Variants in HS3ST4 observed in about 807,000 individuals in gnomAD.
The protein encoded by HS3ST4 is heparan sulfate glucosamine 3-O-sulfotransferase 4.
In HS3ST4, 17 loss-of-function variants were observed where a neutral mutation model predicts 29.2. The ratio of observed to expected loss-of-function variants is 0.58; its 90% CI spans 0.40 to 0.87. The LOEUF (loss-of-function observed/expected upper bound fraction) is 0.87. HS3ST4 is among the 40% of genes least tolerant of loss of function. HS3ST4 has a pLI of 0.00. For synonymous variants in HS3ST4, 314 were observed against 285.7 expected, an observed-to-expected ratio of 1.10 and a Z score of -1.00; for missense variants, 627 against 634.5, an observed-to-expected ratio of 0.99 and a Z score of 0.13.
At chr16:25,947,103 C>G (rs1968634074) in intron 1 of HS3ST4, among the ~76,000 whole-genome samples, 1 of 152,070 alleles carries the variant, frequency 6.6e-6, no homozygotes, top group Admixed American at 6.6e-5. Context: ...GAGCTAGTGA[C>G]TCCATTTATA....
Position 26,099,663 on chromosome 16 carries a change from A to T in HS3ST4, c.735-35949A>T, listed in dbSNP as rs557669684. ...TCATTTATTTGTCCATTTAACAAATATGTACTGAGGGCCAAATATGTCCCA... is the reference window on the plus strand; with the variant it reads ...TCATTTATTTGTCCATTTAACAAATTTGTACTGAGGGCCAAATATGTCCCA... On this transcript the variant is annotated intron_variant, in intron 1 of 1. Transcript: ENST00000331351. Among the ~76,000 whole-genome samples, 5 of 152,348 alleles carry T rather than the reference A, an allele frequency of 3.3e-5. No homozygotes were observed. In the South Asian group the frequency reaches 1.0e-3, roughly 32 times the overall value.
At chr16:25,917,503 G>A (rs992458370) in intron 1 of HS3ST4, among the ~76,000 whole-genome samples, 1 of 152,196 alleles carries the variant, frequency 6.6e-6, no homozygotes. Flanking sequence ...GAGCCACTGT[G>A]CCCAGCCTAT....
intron 1 of HS3ST4, among the ~76,000 whole-genome samples, chr16:25,964,448 C>T (rs1008796303): frequency 6.6e-6 from 1 of 152,110 alleles, no homozygotes; most frequent in Non-Finnish European, 1.5e-5. Flanking sequence ...AGTGTACGTA[C>T]CATTGAGTAC....
intron 1 of HS3ST4, among the ~76,000 whole-genome samples, chr16:25,796,361 A>G (rs1199476469): frequency 2.0e-5 from 3 of 152,186 alleles, no homozygotes; most frequent in East Asian, 3.9e-4. Context: ...GATGTTTTCA[A>G]ACAGATGAAT....
At chr16:26,040,669 A>C (rs1969629937) in intron 1 of HS3ST4, among the ~76,000 whole-genome samples, 1 of 151,984 alleles carries the variant, frequency 6.6e-6, no homozygotes, top group South Asian at 2.1e-4. Flanking sequence ...TGGGGTGTTC[A>C]TCACATTAAC....
At chr16:25,860,400 T>A (rs370997865) in intron 1 of HS3ST4, among the ~76,000 whole-genome samples, 2 of 152,174 alleles carry the variant, frequency 1.3e-5, no homozygotes, top group East Asian at 1.9e-4. Context: ...CACAAAAACC[T>A]GCACATGAGT....
At chr16:25,699,026 T>A (rs1454445343) in intron 1 of HS3ST4, among the ~76,000 whole-genome samples, 1 of 152,242 alleles carries the variant, frequency 6.6e-6, no homozygotes, top group Non-Finnish European at 1.5e-5. Flanking sequence ...GGTTTTGATT[T>A]GAAATCTTTT....
rs1307069088 is a variant in HS3ST4, at chr16:26,118,444, A to AT, written c.735-17166dup. Among the ~76,000 whole-genome samples, 4 of 152,306 alleles carry AT rather than the reference A, an allele frequency of 2.6e-5. No homozygotes were observed. The East Asian group carries it at 7.7e-4, about 29-fold the overall frequency. On this transcript the variant is annotated intron_variant, in intron 1 of 1. Transcript: ENST00000331351. The stretch of plus-strand genomic sequence containing the variant: ...CACAAAAACTACAGTGATGGGCTAA[A>AT]TTAGCATCGTCTAATGGAACTTTCT...
intron 1 of HS3ST4, among the ~76,000 whole-genome samples, chr16:25,894,023 A>G (rs1014706396): frequency 1.3e-5 from 2 of 152,168 alleles, no homozygotes; most frequent in Non-Finnish European, 2.9e-5. Flanking sequence ...GTACTAATGC[A>G]TGTCAGGTGA....
chr16:26,064,987 A>G (rs1898525881), intron 1 of HS3ST4, among the ~76,000 whole-genome samples: 1 of 152,198 alleles, frequency 6.6e-6, no homozygotes, highest in Non-Finnish European at 1.5e-5. Context: ...GTTGAATTAA[A>G]ATACATTCCA....
intron 1 of HS3ST4, among the ~76,000 whole-genome samples, chr16:25,838,867 A>G (rs1282057083): frequency 6.6e-6 from 1 of 152,168 alleles, no homozygotes; most frequent in Non-Finnish European, 1.5e-5. Flanking sequence ...GGGAGGTGCC[A>G]CCAGAGAATT....
chr16:26,079,838 CG>C (rs1898704954), intron 1 of HS3ST4, among the ~76,000 whole-genome samples: 1 of 152,114 alleles, frequency 6.6e-6, no homozygotes, highest in Non-Finnish European at 1.5e-5. Context: ...AGCACGGGAG[CG>C]GACTTAATGG....
chr16:25,887,244 G>C (rs1967962902), intron 1 of HS3ST4, among the ~76,000 whole-genome samples: 1 of 152,170 alleles, frequency 6.6e-6, no homozygotes, highest in African/African-American at 2.4e-5. Flanking sequence ...CTGAGGCAAG[G>C]CTATATCATT....
At chr16:25,891,469 G>A (rs993077595) in intron 1 of HS3ST4, among the ~76,000 whole-genome samples, 4 of 152,102 alleles carry the variant, frequency 2.6e-5, no homozygotes, top group South Asian at 4.1e-4. Context: ...TTACTTACAT[G>A]TTTTGTGGTG....
In HS3ST4 at chr16:26,037,022, A is replaced by T. The variant is rs543113155; in HGVS notation, c.735-98590A>T. Among the ~76,000 whole-genome samples, 9 of 152,328 alleles carry T rather than the reference A, an allele frequency of 5.9e-5. No homozygotes were observed. In the South Asian group the frequency reaches 1.9e-3, roughly 32 times the overall value. ...CTTCAACCCCTCCATGACTTAAATT[A>T]ATAAGAACCCTCCCATTGTGTGACT... On this transcript the variant is annotated intron_variant, in intron 1 of 1. Transcript: ENST00000331351.
At chr16:25,823,349 G>T (rs1967181771) in intron 1 of HS3ST4, among the ~76,000 whole-genome samples, 1 of 152,146 alleles carries the variant, frequency 6.6e-6, no homozygotes. Flanking sequence ...GTTTCTCTCT[G>T]TTTCTGCAAC....
intron 1 of HS3ST4, among the ~76,000 whole-genome samples, chr16:25,842,364 A>G (rs1967424241): frequency 6.6e-6 from 1 of 152,244 alleles, no homozygotes; most frequent in Admixed American, 6.5e-5. Context: ...ACACAGTCAA[A>G]CAACATGGAC....
chr16:25,903,299 T>TGC (rs1968137581), intron 1 of HS3ST4, among the ~76,000 whole-genome samples: 2 of 132,738 alleles, frequency 1.5e-5, no homozygotes, highest in African/African-American at 2.7e-5. Flanking sequence ...TGTGTGTGTG[T>TGC]GTGTATGTAT....
intron 1 of HS3ST4, among the ~76,000 whole-genome samples, chr16:26,072,951 C>T (rs893412666): frequency 8.5e-5 from 13 of 152,182 alleles, no homozygotes; most frequent in Admixed American, 7.9e-4. Context: ...AAAAATAAAT[C>T]TGCTTAAGTA....
Sources: gnomAD v4.1 joint callset for allele counts (sites outside exome capture counted in the v4.1 genomes callset) on GRCh38, gnomAD v4.1.1 for gene constraint, MANE v1.5 for transcripts, NCBI Gene and HGNC (gene_info 2026-07-23, HGNC 2026-07-21) for gene names.